ECT2L: variants seen among roughly 807,000 people sequenced by gnomAD.
ECT2L encodes the protein epithelial cell-transforming sequence 2 oncogene-like.
In ECT2L, 126 loss-of-function variants were observed where a neutral mutation model predicts 122.8. The ratio of observed to expected loss-of-function variants is 1.03; its 90% CI spans 0.89 to 1.19. The LOEUF (loss-of-function observed/expected upper bound fraction) is 1.19, where lower values mean the gene tolerates loss of function less well. ECT2L is among the 50% of genes most tolerant of loss of function. ECT2L has a pLI of 0.00. For missense variants in ECT2L, 1,012 were observed against 1,064.1 expected (o/e 0.95, Z 0.68); for synonymous variants, 385 against 381.8 (o/e 1.01, Z -0.10).
Position 138,876,539 on chromosome 6 carries a change from T to C in ECT2L, c.1646T>C (p.Phe549Ser), listed in dbSNP as rs766497819. 5 of 1,611,444 alleles carry C rather than the reference T, an allele frequency of 3.1e-6. No individual in the cohort carries two copies. Among genetic ancestry groups the C allele is most frequent in the Non-Finnish European group, 4.2e-6 (5 of 1,177,826 alleles). The change falls in exon 14 of 22, where the codon TTT (phenylalanine) becomes TCT (serine). Residue 549 changes from phenylalanine to serine, a missense_variant. By Grantham distance (155) the Phe-to-Ser change is radical (BLOSUM62 -2). Transcript: ENST00000541398. ...AGGCTCAGCAAAAATGATTTAAATTTTGAAGCACTGATTAATCTGGTAAGC... is the reference window on the plus strand; with the variant it reads ...AGGCTCAGCAAAAATGATTTAAATTCTGAAGCACTGATTAATCTGGTAAGC... ...KSRLSKNDLNFEALINLERIL... is the reference protein window; with the variant it reads ...KSRLSKNDLNSEALINLERIL...
rs761862346 is a variant in ECT2L, at chr6:138,865,059, C to A, written c.1355C>A (p.Ser452Ter). The change falls in exon 12 of 22, where the codon TCG becomes TAG. Residue 452 changes from serine to a stop codon, truncating the protein, a stop_gained. Transcript: ENST00000541398. LOFTEE classifies it high-confidence loss of function. ...CCCTCTTCCATCTACTTCTGCGAAT[C>A]GAAGCTACAGACGTGGTCCAGCTTC... ...KAPSSIYFCE[S>*]KLQTWSSFTD... 6.2e-7 allele frequency: 1 copy of A among 1,614,040 alleles called. No homozygotes were observed. Among genetic ancestry groups the A allele is most frequent in the Non-Finnish European group, 8.5e-7 (1 of 1,179,982 alleles).
At chr6:138,809,001 A>G (rs1810614) in intron 1 of ECT2L, among the ~76,000 whole-genome samples, 38,550 of 152,048 alleles carry the variant, frequency 0.25, 5,017 homozygotes, top group East Asian at 0.41. Context: ...TGTTGGGATT[A>G]CAGGCGTGAG....
chr6:138,799,255 C>A (rs1458574893), intron 1 of ECT2L, among the ~76,000 whole-genome samples: 1 of 146,012 alleles, frequency 6.8e-6, no homozygotes, highest in East Asian at 2.1e-4. Context: ...GGATGATTTT[C>A]TGATTTTTTT....
intron 1 of ECT2L, among the ~76,000 whole-genome samples, chr6:138,804,936 C>T (rs1217983811): frequency 2.0e-5 from 3 of 152,120 alleles, no homozygotes; most frequent in Non-Finnish European, 4.4e-5. Flanking sequence ...AAGTCTAGGG[C>T]TCCCTCTCTA....
rs893578252 is a variant in ECT2L, at chr6:138,849,201, T to C, written c.904-68T>C. The C allele has an allele frequency of 2.9e-6, 4 of 1,399,720 alleles. No individual in the cohort carries two copies. In the African/African-American group the frequency reaches 5.9e-5, roughly 21 times the overall value. 86.7% of individuals were successfully genotyped at this position (1,399,720 alleles called of 1,614,324 possible). A position where few individuals can be genotyped will look rare whatever the true frequency, so the allele number is the denominator to read the frequency against. On this transcript the variant is annotated intron_variant, in intron 8 of 21. Transcript: ENST00000541398. The stretch of plus-strand genomic sequence containing the variant: ...CACGGCGTATTTTGTATCCGTTCTA[T>C]TTCTTTCATTAATAAATATTCTAAA...
chr6:138,829,889 A>AT (rs1458283636), intron 4 of ECT2L, among the ~76,000 whole-genome samples: 1 of 151,830 alleles, frequency 6.6e-6, no homozygotes, highest in Non-Finnish European at 1.5e-5. Context: ...TGCCCGGCTA[A>AT]TTTTTTGTAT....
At chr6:138,866,687 T>A (rs184426640) in intron 12 of ECT2L, among the ~76,000 whole-genome samples, 150 of 152,376 alleles carry the variant, frequency 9.8e-4, no homozygotes, top group African/African-American at 3.3e-3. Context: ...AACAATTTTT[T>A]AAATAACTGC....
At chr6:138,862,139 C>T (rs1042598868) in intron 10 of ECT2L, among the ~76,000 whole-genome samples, 98 of 152,248 alleles carry the variant, frequency 6.4e-4, no homozygotes, top group African/African-American at 2.2e-3. Flanking sequence ...AGTGCCCCTA[C>T]GTAATATTTA....
chr6:138,796,949 A>G (rs1244776783), intron 1 of ECT2L, among the ~76,000 whole-genome samples: 1 of 152,210 alleles, frequency 6.6e-6, no homozygotes, highest in Non-Finnish European at 1.5e-5. Flanking sequence ...GGGAGGAAGA[A>G]GGGTTAAGGA....
At chr6:138,825,612 T>C (rs1308463334) in intron 4 of ECT2L, among the ~76,000 whole-genome samples, 2 of 151,800 alleles carry the variant, frequency 1.3e-5, no homozygotes, top group East Asian at 1.9e-4. Flanking sequence ...AAGAAAAGAA[T>C]ACAGATAAGC....
chr6:138,800,636 G>A (rs1421719398), intron 1 of ECT2L, among the ~76,000 whole-genome samples: 2 of 152,136 alleles, frequency 1.3e-5, no homozygotes, highest in African/African-American at 4.8e-5. Flanking sequence ...GAAATTGCTA[G>A]TAAGAAGATC....
chr6:138,862,419 A>G (rs148268526), intron 10 of ECT2L, among the ~76,000 whole-genome samples: 107 of 152,154 alleles, frequency 7.0e-4, no homozygotes, highest in African/African-American at 2.4e-3. Flanking sequence ...TCTTGTGTGA[A>G]CTCAGAGTGA....
In ECT2L at chr6:138,894,856, C is replaced by T. The variant is rs142380556; in HGVS notation, c.2414+5825C>T. On this transcript the variant is annotated intron_variant, in intron 20 of 21. Coordinates refer to ENST00000541398, the MANE Select transcript of ECT2L (RefSeq NM_001077706.3). Reference sequence around the variant, plus strand: ...AGTCCCCAAGCTTAGCCCAAATAAACTCTACTTATATTGATTTTGCCTCAG... The same window carrying T: ...AGTCCCCAAGCTTAGCCCAAATAAATTCTACTTATATTGATTTTGCCTCAG... Among the ~76,000 whole-genome samples, 451 of 152,294 alleles carry T rather than the reference C, an allele frequency of 3.0e-3. 1 individual carries two copies. Among genetic ancestry groups the T allele is most frequent in the African/African-American group, 0.01 (428 of 41,564 alleles).
chr6:138,844,832 A>T (rs1430901088), intron 7 of ECT2L, among the ~76,000 whole-genome samples: 18 of 138,372 alleles, frequency 1.3e-4, no homozygotes, highest in African/African-American at 4.9e-4. Flanking sequence ...GTCTTGCCAC[A>T]TTGCGCAGGC....
chr6:138,826,874 T>TC (rs568428724), intron 4 of ECT2L, among the ~76,000 whole-genome samples: 45 of 152,102 alleles, frequency 3.0e-4, no homozygotes, highest in African/African-American at 1.1e-3. Context: ...CCTCCACCCA[T>TC]CCCCCACTGT....
At chr6:138,900,264 T>G (rs945755364) in intron 20 of ECT2L, among the ~76,000 whole-genome samples, 1 of 152,126 alleles carries the variant, frequency 6.6e-6, no homozygotes, top group African/African-American at 2.4e-5. Flanking sequence ...TTTTTTTTTT[T>G]GAGGCGGAGT....
At chr6:138,847,909 G>T (rs956364710) in intron 8 of ECT2L, among the ~76,000 whole-genome samples, 6 of 152,146 alleles carry the variant, frequency 3.9e-5, no homozygotes, top group Non-Finnish European at 8.8e-5. Context: ...AAGGAAAGAG[G>T]TTTAATTAAC....
intron 4 of ECT2L, among the ~76,000 whole-genome samples, chr6:138,825,802 T>C (rs985005100): frequency 1.3e-5 from 2 of 152,226 alleles, no homozygotes; most frequent in Non-Finnish European, 2.9e-5. Flanking sequence ...TGCTCTCTAG[T>C]CCTCTGAAGA....
rs1182925178 is a variant in ECT2L at position 138,904,036 on chromosome 6, T to C, written c.*1409T>C. 7 of 152,346 alleles carry C rather than the reference T, an allele frequency of 4.6e-5. No individual in the cohort carries two copies. The East Asian group carries it at 1.2e-3, about 25-fold the overall frequency. 9.4% of individuals were successfully genotyped at this position (152,346 alleles called of 1,614,324 possible). ...AAAGTTAAAATATTATGCTGTTTTA[T>C]TGGTGTAAAACCACACTTCTGATTC... On this transcript the variant is annotated 3_prime_UTR_variant, in exon 22 of 22. Coordinates refer to ENST00000541398, the MANE Select transcript of ECT2L (RefSeq NM_001077706.3).
Sources: gnomAD v4.1 joint callset for allele counts (sites outside exome capture counted in the v4.1 genomes callset) on GRCh38, gnomAD v4.1.1 for gene constraint, MANE v1.5 for transcripts, NCBI Gene and HGNC (gene_info 2026-07-23, HGNC 2026-07-21) for gene names.